The following EBF2 variants were observed in gnomAD, a reference collection of about 807,000 sequenced individuals.
EBF2 encodes the protein EBF transcription factor 2.
EBF2 carries 21 observed loss-of-function variants against 72.8 expected under a neutral mutation model. The observed-to-expected ratio is 0.29, with a 90% CI of 0.20 to 0.42. The LOEUF is 0.42. Ranked by LOEUF, EBF2 falls within the 10% of genes least tolerant of loss-of-function variation. The pLI is 1.00. For missense variants in EBF2, 637 were observed against 731.2 expected (o/e 0.87, Z 1.49); for synonymous variants, 299 against 274.2 (o/e 1.09, Z -0.89).
intron 14 of EBF2, among the ~76,000 whole-genome samples, chr8:25,857,551 A>G (rs17054488): frequency 0.031 from 4,789 of 152,218 alleles, 248 homozygotes; most frequent in African/African-American, 0.11. Flanking sequence ...CCCCTGGCCT[A>G]AAATATTCCC....
intron 6 of EBF2, among the ~76,000 whole-genome samples, chr8:25,967,190 G>A (rs2117184891): frequency 6.6e-6 from 1 of 152,324 alleles, no homozygotes; most frequent in East Asian, 1.9e-4. Context: ...GAAAGGAAAA[G>A]ATGAAATGTG....
chr8:25,971,918 G>C (rs961712909), intron 6 of EBF2, among the ~76,000 whole-genome samples: 15 of 152,140 alleles, frequency 9.9e-5, no homozygotes, highest in Non-Finnish European at 8.8e-5. Flanking sequence ...GGGCTGCAAG[G>C]CTGGGCGCCT....
intron 10 of EBF2, among the ~76,000 whole-genome samples, chr8:25,872,239 A>G (rs563654353): frequency 9.7e-4 from 147 of 152,290 alleles, no homozygotes; most frequent in African/African-American, 3.4e-3. Context: ...CAGCAGGAGC[A>G]CTGATTGCAA....
intron 14 of EBF2, among the ~76,000 whole-genome samples, chr8:25,851,515 C>T (rs1801973157): frequency 6.6e-6 from 1 of 152,152 alleles, no homozygotes; most frequent in South Asian, 2.1e-4. Context: ...TACCCCACCT[C>T]TTAATGTCAG....
intron 6 of EBF2, among the ~76,000 whole-genome samples, chr8:25,985,795 T>A (rs1585216848): frequency 6.7e-6 from 1 of 150,174 alleles, no homozygotes; most frequent in Admixed American, 6.6e-5. Flanking sequence ...AGCCCAGGAG[T>A]TTAAGACCAG....
chr8:25,962,105 G>A (rs1017061048), intron 6 of EBF2, among the ~76,000 whole-genome samples: 21 of 152,066 alleles, frequency 1.4e-4, no homozygotes, highest in Admixed American at 7.2e-4. Flanking sequence ...TGAATGCCAC[G>A]TACACGTCTT....
intron 8 of EBF2, among the ~76,000 whole-genome samples, chr8:25,889,464 A>T (rs1490423414): frequency 2.0e-5 from 3 of 152,098 alleles, no homozygotes; most frequent in Admixed American, 6.6e-5. Context: ...TTTAACTAAG[A>T]TGTCATAGGC....
chr8:25,856,271 T>G (rs534941976), intron 14 of EBF2, among the ~76,000 whole-genome samples: 2 of 152,156 alleles, frequency 1.3e-5, no homozygotes, highest in South Asian at 4.1e-4. Context: ...CCTACATAGA[T>G]TATGATTGAA....
intron 5 of EBF2, among the ~76,000 whole-genome samples, chr8:26,039,492 G>A (rs1369786480): frequency 6.6e-6 from 1 of 151,896 alleles, no homozygotes; most frequent in African/African-American, 2.4e-5. Flanking sequence ...CCCCCGACAC[G>A]AGAACTCCTA....
At chr8:25,897,727 T>C (rs1006793174) in intron 7 of EBF2, among the ~76,000 whole-genome samples, 7 of 152,354 alleles carry the variant, frequency 4.6e-5, no homozygotes, top group South Asian at 2.1e-4. Flanking sequence ...AAGTATTCCA[T>C]GGTGTCTATG....
intron 6 of EBF2, among the ~76,000 whole-genome samples, chr8:26,011,822 A>T (rs1258362887): frequency 6.6e-6 from 1 of 151,846 alleles, no homozygotes; most frequent in Non-Finnish European, 1.5e-5. Context: ...AAAAAAAAAA[A>T]GCAATGTGTT....
At chr8:25,908,753 C>T (rs1442513762) in intron 6 of EBF2, among the ~76,000 whole-genome samples, 198 bp from the exon 7 acceptor site, 6 of 152,198 alleles carry the variant, frequency 3.9e-5, no homozygotes, top group Non-Finnish European at 7.4e-5. Flanking sequence ...GCCCAGCACC[C>T]GCTTCCCCAT....
At chr8:26,040,157 A>T in intron 4 of EBF2, 56 bp from the exon 5 acceptor site, 1 of 1,565,462 alleles carries the variant, frequency 6.4e-7, no homozygotes, top group Non-Finnish European at 8.8e-7. Context: ...GGGGGCAAGG[A>T]AAGAAGGGAC....
At chr8:25,866,607 G>A (rs1018205703) in intron 10 of EBF2, among the ~76,000 whole-genome samples, 4 of 132,684 alleles carry the variant, frequency 3.0e-5, no homozygotes, top group Non-Finnish European at 6.3e-5. Flanking sequence ...ATAATATAAT[G>A]TTTATATTAT....
intron 10 of EBF2, among the ~76,000 whole-genome samples, chr8:25,874,829 C>G (rs932792529): frequency 2.0e-5 from 3 of 151,422 alleles, no homozygotes; most frequent in African/African-American, 7.3e-5. Context: ...GGACTACAAG[C>G]CCATGCCCCA....
intron 6 of EBF2, among the ~76,000 whole-genome samples, chr8:25,910,833 A>G (rs1268570714): frequency 6.6e-6 from 1 of 152,164 alleles, no homozygotes; most frequent in Non-Finnish European, 1.5e-5. Context: ...GAGGGAGGTG[A>G]GTGAGAGAAG....
intron 10 of EBF2, among the ~76,000 whole-genome samples, chr8:25,871,740 C>T (rs1021056728): frequency 6.6e-6 from 1 of 152,096 alleles, no homozygotes; most frequent in African/African-American, 2.4e-5. Flanking sequence ...TTTGGATCAG[C>T]CTTGAAAAAC....
intron 6 of EBF2, among the ~76,000 whole-genome samples, chr8:26,000,255 C>T (rs1057319558): frequency 6.6e-6 from 1 of 152,154 alleles, no homozygotes; most frequent in South Asian, 2.1e-4. Context: ...CTGGGCACCA[C>T]AGTTTGGCTT....
intron 6 of EBF2, among the ~76,000 whole-genome samples, chr8:25,984,681 C>CAA (rs200616204): frequency 2.1e-5 from 3 of 141,394 alleles, no homozygotes; most frequent in Non-Finnish European, 4.7e-5. Context: ...GACTCCATCT[C>CAA]AAAAAAAAAA....
Sources: gnomAD v4.1 joint callset for allele counts (sites outside exome capture counted in the v4.1 genomes callset) on GRCh38, gnomAD v4.1.1 for gene constraint, MANE v1.5 for transcripts, NCBI Gene and HGNC (gene_info 2026-07-23, HGNC 2026-07-21) for gene names.